Variants in MGAT4C observed in about 807,000 individuals in gnomAD.
The protein encoded by MGAT4C is MGAT4 family member C.
A neutral mutation model predicts 40.1 loss-of-function variants in MGAT4C; 19 were observed. That is an observed-to-expected ratio of 0.47 (90% CI 0.33 to 0.70). The LOEUF (loss-of-function observed/expected upper bound fraction) is 0.70, where lower values mean the gene tolerates loss of function less well. MGAT4C is among the 30% of genes least tolerant of loss of function. The pLI is 0.02. For missense variants in MGAT4C, 491 were observed against 563.2 expected, an observed-to-expected ratio of 0.87 and a Z score of 1.30; for synonymous variants, 181 against 187.1, an observed-to-expected ratio of 0.97 and a Z score of 0.27.
intron 2 of MGAT4C, among the ~76,000 whole-genome samples, chr12:86,023,648 AAT>A (rs1236787996): frequency 6.7e-6 from 1 of 149,548 alleles, no homozygotes; most frequent in Non-Finnish European, 1.5e-5. Context: ...TTATTATATA[AAT>A]ATAATAAAAT....
intron 3 of MGAT4C, among the ~76,000 whole-genome samples, chr12:86,392,484 A>T (rs1040573524): frequency 6.6e-6 from 1 of 152,072 alleles, no homozygotes; most frequent in East Asian, 1.9e-4. Context: ...AATAACAACA[A>T]CAACAACAAC....
intron 1 of MGAT4C, among the ~76,000 whole-genome samples, chr12:86,111,218 T>C (rs1001200444): frequency 1.3e-5 from 2 of 151,880 alleles, no homozygotes; most frequent in African/African-American, 2.4e-5. Flanking sequence ...TATAAATGCA[T>C]CAGTAAACTA....
At chr12:86,255,535 T>C (rs1386732539) in intron 1 of MGAT4C, among the ~76,000 whole-genome samples, 5 of 152,140 alleles carry the variant, frequency 3.3e-5, no homozygotes, top group African/African-American at 1.2e-4. Context: ...TTTTAGGATT[T>C]AAATATTTTC....
At chr12:86,090,917 A>T (rs1001646335) in intron 1 of MGAT4C, among the ~76,000 whole-genome samples, 2 of 151,946 alleles carry the variant, frequency 1.3e-5, no homozygotes, top group Middle Eastern at 3.2e-3. Context: ...TGTTTAATTT[A>T]CCATTTAAGA....
At chr12:86,559,345 T>G (rs1034768332) in intron 2 of MGAT4C, among the ~76,000 whole-genome samples, 12 of 151,894 alleles carry the variant, frequency 7.9e-5, no homozygotes, top group African/African-American at 2.4e-4. Context: ...GAAGATTTAA[T>G]TCAACAGCCA....
At chr12:86,673,442 T>C (rs865957002) in intron 2 of MGAT4C, among the ~76,000 whole-genome samples, 1 of 151,796 alleles carries the variant, frequency 6.6e-6, no homozygotes, top group Admixed American at 6.6e-5. Flanking sequence ...ATAACACACA[T>C]GCGCAAGCGC....
At position 86,173,867 on chromosome 12, in the gene MGAT4C, C is replaced by T. The variant is rs572642205; in HGVS notation, c.-57+82372G>A. ...TGAGAGCTACATAGTTTTATGATCT[C>T]TAGAATTGTATTGGGTTTTTCCTTC... On this transcript the variant is annotated intron_variant, in intron 1 of 4. Coordinates refer to ENST00000611864, the MANE Select transcript of MGAT4C (RefSeq NM_001351288.2). 2.6e-5 allele frequency among the ~76,000 whole-genome samples: 4 copies of T among 152,132 alleles called. No homozygotes were observed. The South Asian group carries it at 8.3e-4, about 32-fold the overall frequency.
At chr12:86,676,909 A>C (rs1463179728) in intron 2 of MGAT4C, among the ~76,000 whole-genome samples, 1 of 152,138 alleles carries the variant, frequency 6.6e-6, no homozygotes, top group African/African-American at 2.4e-5. Context: ...AGAAACATAA[A>C]TATTTAAAAG....
chr12:86,535,208 A>G (rs1959048499), intron 2 of MGAT4C, among the ~76,000 whole-genome samples: 1 of 152,116 alleles, frequency 6.6e-6, no homozygotes, highest in African/African-American at 2.4e-5. Context: ...CGTGTATTTC[A>G]CGCATAAAAT....
At chr12:86,140,113 C>T (rs1882620618) in intron 1 of MGAT4C, among the ~76,000 whole-genome samples, 1 of 152,080 alleles carries the variant, frequency 6.6e-6, no homozygotes, top group Admixed American at 6.6e-5. Flanking sequence ...GCCCCAAGGC[C>T]TTCATATGAT....
chr12:86,180,682 A>T (rs1888015207), intron 1 of MGAT4C, among the ~76,000 whole-genome samples: 1 of 151,972 alleles, frequency 6.6e-6, no homozygotes, highest in Non-Finnish European at 1.5e-5. Flanking sequence ...GGGCCCTCTT[A>T]CCCCTTTGCT....
intron 1 of MGAT4C, among the ~76,000 whole-genome samples, chr12:86,168,472 A>C (rs1886426391): frequency 6.6e-6 from 1 of 152,170 alleles, no homozygotes; most frequent in Non-Finnish European, 1.5e-5. Flanking sequence ...TAAAGCTGCT[A>C]TGAACTCTTC....
At chr12:86,703,835 A>G (rs1040136733) in intron 2 of MGAT4C, among the ~76,000 whole-genome samples, 2 of 152,166 alleles carry the variant, frequency 1.3e-5, no homozygotes, top group African/African-American at 2.4e-5. Flanking sequence ...AGCAATGGTT[A>G]TAACTCTGGC....
intron 2 of MGAT4C, among the ~76,000 whole-genome samples, chr12:86,484,729 G>T (rs370200555): frequency 1.3e-5 from 2 of 152,128 alleles, no homozygotes; most frequent in Non-Finnish European, 2.9e-5. Context: ...CTGTCAGTCA[G>T]CCCGACAGCC....
At chr12:86,132,405 G>C (rs1418420613) in intron 1 of MGAT4C, among the ~76,000 whole-genome samples, 1 of 151,808 alleles carries the variant, frequency 6.6e-6, no homozygotes, top group Admixed American at 6.6e-5. Flanking sequence ...TTATGACTTA[G>C]AATAATTCTT....
chr12:86,783,320 T>C (rs780682396), intron 1 of MGAT4C, among the ~76,000 whole-genome samples: 3 of 152,182 alleles, frequency 2.0e-5, no homozygotes, highest in Admixed American at 6.5e-5. Flanking sequence ...TACTTATTAG[T>C]ATGAATGTCA....
chr12:86,009,432 T>C (rs574483267), intron 2 of MGAT4C, among the ~76,000 whole-genome samples: 16 of 152,280 alleles, frequency 1.1e-4, no homozygotes, highest in South Asian at 1.0e-3. Context: ...TCCTCTCTAG[T>C]ATCTGCTTGT....
At chr12:86,436,790 T>C (rs1392944377) in intron 2 of MGAT4C, among the ~76,000 whole-genome samples, 1 of 151,758 alleles carries the variant, frequency 6.6e-6, no homozygotes, top group Non-Finnish European at 1.5e-5. Flanking sequence ...TTGTAACATA[T>C]TCGGAGCTGT....
intron 1 of MGAT4C, among the ~76,000 whole-genome samples, chr12:86,182,874 T>A (rs576187053): frequency 9.2e-5 from 14 of 152,160 alleles, no homozygotes; most frequent in Non-Finnish European, 1.8e-4. Context: ...TTATCTGAGT[T>A]AGGGATACAT....
Sources: gnomAD v4.1 joint callset for allele counts (sites outside exome capture counted in the v4.1 genomes callset) on GRCh38, gnomAD v4.1.1 for gene constraint, MANE v1.5 for transcripts, NCBI Gene and HGNC (gene_info 2026-07-23, HGNC 2026-07-21) for gene names.